LAMA1: variants seen among roughly 807,000 people sequenced by gnomAD.
LAMA1 encodes the protein laminin subunit alpha-1.
LAMA1 carries 219 observed loss-of-function variants against 348.7 expected under a neutral mutation model. The observed-to-expected ratio is 0.63, with a 90% CI of 0.56 to 0.70. LAMA1 has a LOEUF of 0.70. Among genes scored for constraint, LAMA1 ranks in the 30% least tolerant of loss-of-function variants. The pLI is 0.00. For missense variants in LAMA1, 3,744 were observed against 3,888.0 expected, an observed-to-expected ratio of 0.96 and a Z score of 0.99; for synonymous variants, 1,487 against 1,491.0, an observed-to-expected ratio of 1.00 and a Z score of 0.06.
chr18:7,096,732 T>C (rs1266999693), intron 1 of LAMA1, among the ~76,000 whole-genome samples: 1 of 152,146 alleles, frequency 6.6e-6, no homozygotes, highest in East Asian at 1.9e-4. Flanking sequence ...GTCTATGGCA[T>C]AATAAGGAAG....
At chr18:7,060,633 G>A (rs1226081657) in intron 3 of LAMA1, among the ~76,000 whole-genome samples, 7 of 152,232 alleles carry the variant, frequency 4.6e-5, no homozygotes, top group Non-Finnish European at 8.8e-5. Flanking sequence ...TAAGAGAGAT[G>A]ATTGCTGACA....
At chr18:7,048,928 T>C (rs1193857192) in intron 5 of LAMA1, 150 bp downstream of exon 5, 1 of 757,870 alleles carries the variant, frequency 1.3e-6, no homozygotes, top group African/African-American at 1.8e-5. Context: ...CATAGCAATC[T>C]TACATGAAAT....
chr18:7,015,617 C>A, intron 22 of LAMA1, 105 bp downstream of exon 22: 1 of 1,243,640 alleles, frequency 8.0e-7, no homozygotes, highest in Non-Finnish European at 1.2e-6. Context: ...ATTCACAAAG[C>A]TATTCAACAG....
At chr18:6,946,636 T>C (rs2057523034) in intron 61 of LAMA1, among the ~76,000 whole-genome samples, 2 of 152,042 alleles carry the variant, frequency 1.3e-5, no homozygotes, top group South Asian at 4.2e-4. Context: ...GGAGAATCAC[T>C]TGGACCTGGG....
rs932214445 is a variant in LAMA1 at position 7,042,572 on chromosome 18, A to G, written c.1156-322T>C. The G allele has an allele frequency of 3.7e-5, 12 of 323,696 alleles. No homozygotes were observed. In the East Asian group the frequency reaches 3.8e-4, roughly 10 times the overall value. The allele number at this position is 323,696 out of a possible 1,614,324, so 20.1% of individuals were successfully genotyped here. On this transcript the variant is annotated intron_variant, in intron 8 of 62. Transcript: ENST00000389658. ...CCACAAGGACTCATGTAAGAACTAC[A>G]TATCAAGTCAATTAAAGATTGGCTG... is the stretch of plus-strand genomic sequence containing the variant.
chr18:6,997,127 G>A lies in LAMA1; in HGVS notation c.4806+615C>T, dbSNP rs921766028. ...TCGCCAGGCTGGAGTGCAGTGGTGT[G>A]ATCTCGGCTCACTGCAACCTCCACC... On this transcript the variant is annotated intron_variant, in intron 33 of 62. Coordinates refer to ENST00000389658, the MANE Select transcript of LAMA1 (RefSeq NM_005559.4). Among the ~76,000 whole-genome samples the A allele has an allele frequency of 7.9e-5, 12 of 150,972 alleles. No individual in the cohort carries two copies. In the East Asian group the frequency reaches 1.2e-3, roughly 15 times the overall value.
rs1337132218 is a variant in LAMA1 at position 6,999,426 on chromosome 18, T to G, written c.4663+19A>C. On this transcript the variant is annotated intron_variant, in intron 32 of 62. Coordinates refer to ENST00000389658, the MANE Select transcript of LAMA1 (RefSeq NM_005559.4). ...GGGAGGAAAAACCATCTTTACACATTTAGAGGAGAAATACTCACAAACACA... is the reference window on the plus strand; with the variant it reads ...GGGAGGAAAAACCATCTTTACACATGTAGAGGAGAAATACTCACAAACACA... 14 of 1,613,716 alleles carry G rather than the reference T, an allele frequency of 8.7e-6. No homozygotes were observed. Among genetic ancestry groups the G allele is most frequent in the Non-Finnish European group, 1.1e-5 (13 of 1,179,800 alleles).
Position 7,016,560 on chromosome 18 carries a change from C to G in LAMA1, c.2920G>C (p.Gly974Arg). 1 of 1,614,160 alleles carries G rather than the reference C, an allele frequency of 6.2e-7. No homozygotes were observed. Among genetic ancestry groups the G allele is most frequent in the Middle Eastern group, 1.6e-4 (1 of 6,062 alleles). The change falls in exon 21 of 63, where the codon GGT becomes CGT. Residue 974 changes from glycine (G) to arginine (R), a missense_variant. Around this residue, in one of 3 missense-constraint regions of LAMA1, gnomAD observed 1,529 missense variants for 1,689.4 expected, o/e 0.91. Coordinates refer to ENST00000389658, the MANE Select transcript of LAMA1 (RefSeq NM_005559.4). Reference sequence around the variant, plus strand: ...CTGTCACACCTTTTCCCTGCCACACCTGGGACACAGTGACACTGGCCTTCA... The same window carrying G: ...CTGTCACACCTTTTCCCTGCCACACGTGGGACACAGTGACACTGGCCTTCA... ...TDEGQCHCVP[G>R]VAGKRCDRCA...
chr18:7,013,273 A>G (rs942696874), intron 23 of LAMA1, among the ~76,000 whole-genome samples: 10 of 152,158 alleles, frequency 6.6e-5, no homozygotes, highest in African/African-American at 2.4e-4. Context: ...GCTCATTACC[A>G]TCATCAAGCC....
At position 7,043,285 on chromosome 18, in the gene LAMA1, T is replaced by C; in HGVS notation, c.1097A>G (p.Gln366Arg). 6.2e-7 allele frequency: 1 copy of C among 1,614,184 alleles called. No individual in the cohort carries two copies. Among genetic ancestry groups the C allele is most frequent in the Non-Finnish European group, 8.5e-7 (1 of 1,180,034 alleles). The change falls in exon 8 of 63, where the codon CAG becomes CGG. Residue 366 changes from glutamine to arginine, a missense_variant. Physicochemically the swap from Gln to Arg is conservative, Grantham distance 43. Transcript: ENST00000389658. ...TTCACAGTTGATTCCCATGGTGTTC[T>C]GCAAGCAATTTATGCAAACCCCTCC... Reference protein sequence around the residue: ...RGGGVCINCLQNTMGINCETC... With the variant: ...RGGGVCINCLRNTMGINCETC...
At position 7,015,710 on chromosome 18, in the gene LAMA1, G is replaced by A; in HGVS notation, c.3126+12C>T. On this transcript the variant is annotated intron_variant, in intron 22 of 62. Coordinates refer to ENST00000389658, the MANE Select transcript of LAMA1 (RefSeq NM_005559.4). ...CTCTCAGTTAAGCAAGAGCGTGGAT[G>A]ACAGTGCTCACCTGGCACCCCACCT... The A allele has an allele frequency of 6.2e-7, 1 of 1,613,266 alleles. No homozygotes were observed. The highest frequency in any genetic ancestry group is 1.1e-5 in the South Asian group (1 of 91,026).
At position 6,959,812 on chromosome 18, in the gene LAMA1, TTAAAG is replaced by T. The variant is rs2057598694; in HGVS notation, c.7627-325_7627-321del. 5.0e-5 allele frequency: 16 copies of T among 319,952 alleles called. 1 individual carries two copies. Among genetic ancestry groups the T allele is most frequent in the South Asian group, 4.9e-4 (16 of 32,822 alleles). 19.8% of individuals were successfully genotyped at this position (319,952 alleles called of 1,614,324 possible). A position where few individuals can be genotyped will look rare whatever the true frequency, so the allele number is the denominator to read the frequency against. ...TAATTTGTCTTTTTATCAATGAAAT[TTAAAG>T]TATTTTCCAACTTTTTATTACCATA... On this transcript the variant is annotated intron_variant, in intron 53 of 62. Transcript: ENST00000389658.
In LAMA1 at chr18:6,993,717, A is replaced by G. The variant is rs1224270258; in HGVS notation, c.4932T>C (p.Asn1644=). Residue 1644 remains asparagine (N), a synonymous_variant, in exon 35 of 63, where the codon AAT becomes AAC. Transcript: ENST00000389658. ...CCTTGAAGATTCTCTCAGTTGCCCT[A>G]TTCACCTTTTGGGTACTCGCTAACA... ...TRMLASTQKV[N]RATERIFKES... 4 of 1,614,042 alleles carry G rather than the reference A, an allele frequency of 2.5e-6. No homozygotes were observed. Among genetic ancestry groups the G allele is most frequent in the Non-Finnish European group, 2.5e-6 (3 of 1,179,922 alleles).
In LAMA1 at chr18:6,943,312, T is replaced by G. The variant is rs1328250734; in HGVS notation, c.8935A>C (p.Thr2979Pro). ...TGTTTGCTTTTGTTAGCTTGAAGAGTGTGCCATTTTCCATCACAGAGCACA... is the reference window on the plus strand; with the variant it reads ...TGTTTGCTTTTGTTAGCTTGAAGAGGGTGCCATTTTCCATCACAGAGCACA... ...ATVLCDGKWH[T>P]LQANKSKHRI... The change falls in exon 62 of 63, where the codon ACT (threonine) becomes CCT (proline). Residue 2979 changes from threonine to proline, a missense_variant. This residue lies in a region of LAMA1 where 232 missense variants were observed against 264.4 expected (regional missense o/e 0.88). Coordinates refer to ENST00000389658, the MANE Select transcript of LAMA1 (RefSeq NM_005559.4). The G allele has an allele frequency of 6.2e-7, 1 of 1,614,092 alleles. No homozygotes were observed. The highest frequency in any genetic ancestry group is 8.5e-7 in the Non-Finnish European group (1 of 1,180,026).
intron 16 of LAMA1, 121 bp from the exon 17 acceptor site, chr18:7,026,227 C>T (rs1329490154): frequency 2.5e-6 from 3 of 1,210,644 alleles, no homozygotes; most frequent in Non-Finnish European, 3.6e-6. Context: ...CAGTCACCAA[C>T]CTCTGAGCTA....
intron 1 of LAMA1, among the ~76,000 whole-genome samples, chr18:7,107,999 G>C (rs766740301): frequency 3.8e-4 from 57 of 151,056 alleles, no homozygotes; most frequent in Non-Finnish European, 7.4e-4. Context: ...GGGCGACAGA[G>C]CGAGACTCCG....
chr18:6,974,940 T>C lies in LAMA1; in HGVS notation c.6586A>G (p.Ile2196Val), dbSNP rs1568014053. The stretch of plus-strand genomic sequence containing the variant: ...ATACTGTGCCATCTGTTGTCATCAA[T>C]GGGAAAGTCTGGAAACTCCAAGCGT... The part of the protein sequence containing the change: ...STRLEFPDFP[I>V]DDNRWHSIHV... Residue 2196 changes from isoleucine (I) to valine (V), a missense_variant, in exon 46 of 63, where the codon ATT becomes GTT. Ile to Val is a conservative substitution (Grantham distance 29). This residue lies in a region of LAMA1 where 1,983 missense variants were observed against 1,934.3 expected (regional missense o/e 1.03). Transcript: ENST00000389658. 11 of 1,613,966 alleles carry C rather than the reference T, an allele frequency of 6.8e-6. No homozygotes were observed. The highest frequency in any genetic ancestry group is 2.7e-5 in the African/African-American group (2 of 74,884).
rs1249965256 is a variant in LAMA1 at position 7,010,260 on chromosome 18, G to T, written c.3813C>A (p.Tyr1271Ter). The change falls in exon 26 of 63, where the codon TAC becomes TAA. Residue 1271 changes from tyrosine to a stop codon, truncating the protein, a stop_gained. Transcript: ENST00000389658. LOFTEE classifies it high-confidence loss of function. ...CATTCTCTGGGGCTGGTGCATCCAT[G>T]TAAATGACTTGCTTTCTGATCCGAC... is the stretch of plus-strand genomic sequence containing the variant. Reference protein sequence around the residue: ...KGGRIRKQVIYMDAPAPENGV... With the variant: ...KGGRIRKQVI The T allele has an allele frequency of 6.2e-7, 1 of 1,614,038 alleles. No homozygotes were observed. Among genetic ancestry groups the T allele is most frequent in the African/African-American group, 1.3e-5 (1 of 74,906 alleles).
At chr18:6,955,183 C>T (rs556001279) in intron 57 of LAMA1, 170 bp downstream of exon 57, 51 of 652,722 alleles carry the variant, frequency 7.8e-5, no homozygotes, top group East Asian at 6.7e-4. Flanking sequence ...ACCATGAAAG[C>T]GTTGTGATTT....
Sources: gnomAD v4.1 joint callset for allele counts (sites outside exome capture counted in the v4.1 genomes callset) on GRCh38, gnomAD v4.1.1 for gene constraint, gnomAD v4.1.1 regional missense constraint, MANE v1.5 for transcripts, NCBI Gene and HGNC (gene_info 2026-07-23, HGNC 2026-07-21) for gene names.